SPRY3: variants seen among roughly 807,000 people sequenced by gnomAD.
SPRY3 encodes the protein sprouty RTK signaling antagonist 3.
SPRY3 carries 15 observed loss-of-function variants against 20.2 expected under a neutral mutation model. The observed-to-expected ratio is 0.74, with a 90% CI of 0.50 to 1.14. The LOEUF is 1.14. SPRY3 is among the 50% of genes most tolerant of loss of function. The probability of loss-of-function intolerance (pLI) is 0.00; values close to 1 mark genes in which losing one functional copy is unlikely to be tolerated. For synonymous variants in SPRY3, 143 were observed against 136.5 expected, an observed-to-expected ratio of 1.05 and a Z score of -0.33; for missense variants, 364 against 363.9, an observed-to-expected ratio of 1.00 and a Z score of 0.00.
intron 3 of SPRY3, among the ~76,000 whole-genome samples, chrX:155,769,185 T>C (rs1018497163): frequency 1.1e-4 from 17 of 152,186 alleles, no homozygotes; most frequent in Non-Finnish European, 2.1e-4. Context: ...TCTCTTTGTG[T>C]TCTGTTTTTA....
intron 3 of SPRY3, among the ~76,000 whole-genome samples, chrX:155,769,267 T>G (rs964078495): frequency 2.6e-5 from 4 of 152,172 alleles, no homozygotes; most frequent in Non-Finnish European, 5.9e-5. Context: ...TATTAAGAGT[T>G]GAGGAGTTGA....
intron 2 of SPRY3, among the ~76,000 whole-genome samples, chrX:155,715,668 A>G (rs1175309878): frequency 3.3e-5 from 5 of 150,556 alleles, no homozygotes; most frequent in Non-Finnish European, 6.0e-5. Flanking sequence ...TACAGTCCTC[A>G]TGTCCTTTCA....
At chrX:155,709,888 C>G (rs1248260788) in intron 2 of SPRY3, among the ~76,000 whole-genome samples, 4 of 151,690 alleles carry the variant, frequency 2.6e-5, no homozygotes, top group East Asian at 1.9e-4. Flanking sequence ...TGTATATCCA[C>G]TATTCCCCTC....
Position 155,769,544 on chromosome X carries a change from A to T in SPRY3, c.-107+1408A>T, listed in dbSNP as rs964275592. Reference sequence around the variant, plus strand: ...TCATATAAAAGGATTTGAGTTTTTAAAAAAAAAATCCTACTTCTTAGATGA... The same window carrying T: ...TCATATAAAAGGATTTGAGTTTTTATAAAAAAAATCCTACTTCTTAGATGA... On this transcript the variant is annotated intron_variant, in intron 3 of 3. Transcript: ENST00000675360. Among the ~76,000 whole-genome samples, 139 of 56,808 alleles carry T rather than the reference A, an allele frequency of 2.4e-3. No homozygotes were observed. The East Asian group carries it at 0.091, about 37-fold the overall frequency. The allele number at this position is 56,808 out of a possible 152,430, so 37.3% of individuals were successfully genotyped here.
At position 155,773,307 on chromosome X, in the gene SPRY3, GATATATAT is replaced by G. The variant is rs1556238552; in HGVS notation, c.-106-432_-106-425del. 4.6e-3 allele frequency among the ~76,000 whole-genome samples: 559 copies of G among 120,714 alleles called. 2 individuals are homozygous for G. Among genetic ancestry groups the G allele is most frequent in the African/African-American group, 0.014 (445 of 32,322 alleles). 79.2% of individuals were successfully genotyped at this position (120,714 alleles called of 152,430 possible). On this transcript the variant is annotated intron_variant, in intron 3 of 3. Transcript: ENST00000675360. ...CACACTGAAAAGATAATTTTGATTG[GATATATAT>G]ATATATATATATATATATATATATA...
chrX:155,765,586 G>C (rs979829307), intron 2 of SPRY3, among the ~76,000 whole-genome samples: 11 of 152,136 alleles, frequency 7.2e-5, no homozygotes, highest in East Asian at 5.8e-4. Flanking sequence ...CCCATAGCAG[G>C]CATGGTTGAA....
chrX:155,647,991 G>A lies in SPRY3; in HGVS notation c.-440-8876G>A, dbSNP rs782537317. The stretch of plus-strand genomic sequence containing the variant: ...GTTGTTTCCTGACTTTTTAATGATC[G>A]CCATTCTAACTGGCATGAGATGGTA... On this transcript the variant is annotated intron_variant, in intron 1 of 3. Coordinates refer to ENST00000675360, the Ensembl canonical transcript of SPRY3. Among the ~76,000 whole-genome samples the A allele has an allele frequency of 1.6e-4, 18 of 111,442 alleles. No homozygotes were observed. In the East Asian group the frequency reaches 4.8e-3, roughly 30 times the overall value.
At chrX:155,765,273 G>T (rs1194721139) in intron 2 of SPRY3, among the ~76,000 whole-genome samples, 1 of 137,186 alleles carries the variant, frequency 7.3e-6, no homozygotes, top group Non-Finnish European at 1.6e-5. Context: ...GTGGTTAAAA[G>T]TACAAGCTCT....
At chrX:155,764,978 T>C (rs1569398436) in intron 2 of SPRY3, among the ~76,000 whole-genome samples, 1 of 152,164 alleles carries the variant, frequency 6.6e-6, no homozygotes, top group Non-Finnish European at 1.5e-5. Context: ...GACTTCCTCA[T>C]AGACAGCACC....
chrX:155,774,352 G>C, exon 4 of SPRY3: 2 of 1,614,004 alleles, frequency 1.2e-6, no homozygotes, highest in South Asian at 2.2e-5. Flanking sequence ...CTGCACAGCA[G>C]CTCGCCCTCT....
chrX:155,735,966 ATTGT>A (rs2091166390), intron 2 of SPRY3, among the ~76,000 whole-genome samples: 2 of 150,112 alleles, frequency 1.3e-5, no homozygotes, highest in South Asian at 2.1e-4. Context: ...CTCTTAGCAT[ATTGT>A]TTGTTTCCTT....
At chrX:155,780,037 G>A (rs994830371), downstream of SPRY3, 4 of 166,938 alleles carry the variant, frequency 2.4e-5, no homozygotes, top group African/African-American at 9.7e-5. Flanking sequence ...GACAAGATAA[G>A]GAAAGGCATT....
exon 4 of SPRY3, chrX:155,776,100 T>G (rs2091423819): frequency 6.0e-6 from 1 of 167,094 alleles, no homozygotes; most frequent in Non-Finnish European, 1.5e-5. Context: ...TAGGGCTCTA[T>G]TAACAGTGAC....
At chrX:155,688,054 C>T (rs1301926415) in intron 2 of SPRY3, among the ~76,000 whole-genome samples, 10 of 92,745 alleles carry the variant, frequency 1.1e-4, no homozygotes, top group African/African-American at 3.9e-4. Flanking sequence ...ACCCCTCCCC[C>T]GCCCCATTGT....
At chrX:155,751,535 A>T (rs1237411653) in intron 2 of SPRY3, among the ~76,000 whole-genome samples, 1 of 151,946 alleles carries the variant, frequency 6.6e-6, no homozygotes, top group Non-Finnish European at 1.5e-5. Context: ...AACATAAGTC[A>T]TATTCCTACA....
At chrX:155,680,197 GGAGAGA>G (rs761827872) in intron 2 of SPRY3, among the ~76,000 whole-genome samples, 1 of 75,276 alleles carries the variant, frequency 1.3e-5, no homozygotes. Context: ...TGTGTTTGAG[GGAGAGA>G]GAGAGAGAGA....
At chrX:155,678,484 G>A (rs2068064241) in intron 2 of SPRY3, among the ~76,000 whole-genome samples, 1 of 111,183 alleles carries the variant, frequency 9.0e-6, no homozygotes. Context: ...TTCTTTTCTG[G>A]CTGGAGAAAC....
chrX:155,774,596 G>A lies in SPRY3; in HGVS notation c.725G>A (p.Arg242His), dbSNP rs771594298. 79 of 1,613,948 alleles carry A rather than the reference G, an allele frequency of 4.9e-5. No individual in the cohort carries two copies. In the South Asian group the frequency reaches 5.8e-4, roughly 12 times the overall value. Residue 242 changes from arginine (R) to histidine (H), a missense_variant, in exon 4 of 4, where the codon CGT becomes CAT. By Grantham distance (29) the Arg-to-His change is conservative. Transcript: ENST00000675360. ...TGCCTGTGCTGCTACCTGCCTACCC[G>A]TGGATGCCTCCATCTGTGCCAACAG...
intron 2 of SPRY3, among the ~76,000 whole-genome samples, chrX:155,723,335 C>T (rs1167907385): frequency 6.6e-6 from 1 of 152,144 alleles, no homozygotes; most frequent in African/African-American, 2.4e-5. Context: ...ATTTCTAGTT[C>T]TAGATCCCTG....
Sources: gnomAD v4.1 joint callset for allele counts (sites outside exome capture counted in the v4.1 genomes callset) on GRCh38, gnomAD v4.1.1 for gene constraint, MANE v1.5 for transcripts, NCBI Gene and HGNC (gene_info 2026-07-23, HGNC 2026-07-21) for gene names.